The following TCOF1 variants were observed in gnomAD, a reference collection of about 807,000 sequenced individuals.
TCOF1 encodes treacle ribosome biogenesis factor 1, also known as treacle protein.
A neutral mutation model predicts 149.0 loss-of-function variants in TCOF1; 33 were observed. The observed-to-expected ratio is 0.22, with a 90% CI of 0.17 to 0.30. The LOEUF (loss-of-function observed/expected upper bound fraction) is 0.30, where lower values mean the gene tolerates loss of function less well. TCOF1 is among the 10% of genes least tolerant of loss of function. The probability of loss-of-function intolerance (pLI) is 1.00; values close to 1 mark genes in which losing one functional copy is unlikely to be tolerated. For missense variants in TCOF1, 1,728 were observed against 1,840.7 expected (o/e 0.94, Z 1.12); for synonymous variants, 789 against 738.8 (o/e 1.07, Z -1.10).
At chr5:150,375,223 T>TA in intron 10 of TCOF1, 60 bp downstream of exon 10, 1 of 1,612,248 alleles carries the variant, frequency 6.2e-7, no homozygotes, top group Non-Finnish European at 8.5e-7. Context: ...TCCTGTGGTT[T>TA]TGACTTTTCC....
At chr5:150,383,889 T>G (rs1382283103) in intron 17 of TCOF1, 1 of 1,537,626 alleles carries the variant, frequency 6.5e-7, no homozygotes, top group Non-Finnish European at 8.8e-7. Context: ...CCACCTTATC[T>G]TCCTGTACTC....
chr5:150,369,342 G>T (rs937892229), intron 5 of TCOF1, among the ~76,000 whole-genome samples, 187 bp from the exon 6 acceptor site: 1 of 152,202 alleles, frequency 6.6e-6, no homozygotes, highest in African/African-American at 2.4e-5. Flanking sequence ...GAGATGTGTG[G>T]GAACATAGGG....
chr5:150,396,811 G>A lies in TCOF1; in HGVS notation c.4314G>A (p.Lys1438=), dbSNP rs537931287. ...TVEGGDQSNP[K]SKKEKKKSDK... ...AAGGTGGAGATCAAAGCAACCCAAAGAGCAAGAAGGAGAAGAAGAAATCCG... is the reference window on the plus strand; with the variant it reads ...AAGGTGGAGATCAAAGCAACCCAAAAAGCAAGAAGGAGAAGAAGAAATCCG... The change falls in exon 24 of 27, where the codon AAG becomes AAA. Residue 1438 remains lysine, a synonymous_variant. Coordinates refer to ENST00000643257, the MANE Select transcript of TCOF1 (RefSeq NM_001371623.1). 1.2e-5 allele frequency: 19 copies of A among 1,607,268 alleles called. No individual in the cohort carries two copies. In the African/African-American group the frequency reaches 1.2e-4, roughly 10 times the overall value.
intron 1 of TCOF1, among the ~76,000 whole-genome samples, chr5:150,358,969 G>A (rs1759345287): frequency 6.6e-6 from 1 of 152,118 alleles, no homozygotes; most frequent in Non-Finnish European, 1.5e-5. Context: ...AGGAATTTGA[G>A]GATACAGTAT....
chr5:150,394,213 A>C, intron 23 of TCOF1: 1 of 154,692 alleles, frequency 6.5e-6, no homozygotes, highest in Non-Finnish European at 1.4e-5. Context: ...TCTTCCCTGT[A>C]AATAGGCTCA....
At position 150,372,252 on chromosome 5, in the gene TCOF1, G is replaced by A; in HGVS notation, c.870+16G>A. ...ACGAAGCCAGGTGAGGCCTGGAGGA[G>A]GGCTGCCCCTTGGAGGACCTGCGGG... On this transcript the variant is annotated intron_variant, in intron 7 of 26. Transcript: ENST00000643257. 9 of 1,597,792 alleles carry A rather than the reference G, an allele frequency of 5.6e-6. No individual in the cohort carries two copies. Among genetic ancestry groups the A allele is most frequent in the East Asian group, 2.3e-5 (1 of 44,284 alleles).
chr5:150,371,058 G>A (rs1298440192), intron 6 of TCOF1, among the ~76,000 whole-genome samples: 1 of 152,142 alleles, frequency 6.6e-6, no homozygotes, highest in Non-Finnish European at 1.5e-5. Context: ...GGAGACTATT[G>A]GAGTAATACT....
chr5:150,396,892 CG>C (rs765715351), intron 24 of TCOF1, 50 bp downstream of exon 24: 55 of 1,552,224 alleles, frequency 3.5e-5, no homozygotes, highest in Non-Finnish European at 4.7e-5. Flanking sequence ...GGGCACCCCA[CG>C]GGGGCGGGAG....
chr5:150,383,351 G>A (rs1178894382), intron 17 of TCOF1, among the ~76,000 whole-genome samples: 1 of 152,276 alleles, frequency 6.6e-6, no homozygotes. Flanking sequence ...GCAGGCAGCA[G>A]TACACAGTTA....
intron 1 of TCOF1, 143 bp from the exon 2 acceptor site, chr5:150,361,013 G>T: frequency 1.0e-6 from 1 of 978,234 alleles, no homozygotes; most frequent in South Asian, 1.4e-5. Flanking sequence ...TGAGATTACA[G>T]GTATGAGCCA....
At chr5:150,358,184 G>A (rs945829995) in intron 1 of TCOF1, among the ~76,000 whole-genome samples, 5 of 152,050 alleles carry the variant, frequency 3.3e-5, no homozygotes, top group Non-Finnish European at 7.4e-5. Flanking sequence ...CCGCCACGTG[G>A]CTAGGCTCTG....
At chr5:150,367,642 C>T in intron 3 of TCOF1, 2 of 623,116 alleles carry the variant, frequency 3.2e-6, no homozygotes, top group East Asian at 2.9e-5. Context: ...TTCATGTTAC[C>T]ATCCTCTTCT....
chr5:150,386,482 A>C (rs1766328427), intron 17 of TCOF1, among the ~76,000 whole-genome samples: 2 of 152,220 alleles, frequency 1.3e-5, no homozygotes, highest in Admixed American at 1.3e-4. Context: ...GCCTAAGCCC[A>C]GAGAAGCTTC....
intron 18 of TCOF1, 74 bp from the exon 19 acceptor site, chr5:150,389,813 T>C: frequency 6.2e-7 from 1 of 1,612,166 alleles, no homozygotes. Flanking sequence ...GGCCGGTAAA[T>C]TGGGTTATTG....
At chr5:150,392,991 C>T (rs1767754485) in intron 22 of TCOF1, 1 of 661,118 alleles carries the variant, frequency 1.5e-6, no homozygotes, top group South Asian at 1.7e-5. Flanking sequence ...CTCATAGAGC[C>T]CTGAGTAGCT....
intron 14 of TCOF1, among the ~76,000 whole-genome samples, chr5:150,377,998 CT>C: frequency 6.6e-6 from 1 of 152,272 alleles, no homozygotes; most frequent in East Asian, 1.9e-4. Context: ...TCAAGTCAGT[CT>C]TGTGTCTTGT....
At chr5:150,389,139 G>A (rs1235902453) in intron 18 of TCOF1, among the ~76,000 whole-genome samples, 1 of 152,150 alleles carries the variant, frequency 6.6e-6, no homozygotes, top group African/African-American at 2.4e-5. Flanking sequence ...ATGTGTGTAT[G>A]TGTGTGTATA....
intron 26 of TCOF1, 107 bp downstream of exon 26, chr5:150,399,177 A>G (rs1448654215): frequency 4.6e-6 from 7 of 1,511,498 alleles, no homozygotes; most frequent in Non-Finnish European, 5.5e-6. Context: ...CTAAGGGGAA[A>G]GGAGGCTGGG....
chr5:150,361,243 G>A (rs1369168946), intron 2 of TCOF1, 32 bp downstream of exon 2: 3 of 1,612,884 alleles, frequency 1.9e-6, no homozygotes, highest in African/African-American at 2.7e-5. Flanking sequence ...GTGGAGTAGG[G>A]ACGGACACCC....
Sources: allele counts gnomAD v4.1 joint callset (sites outside exome capture counted in the v4.1 genomes callset), GRCh38; gene constraint gnomAD v4.1.1; transcripts MANE v1.5; gene names NCBI Gene and HGNC (gene_info 2026-07-23, HGNC 2026-07-21).